Variants in RTKN2 observed in about 807,000 individuals in gnomAD.
RTKN2 encodes the protein rhotekin 2, also known as rhotekin-2.
Under a neutral mutation model 71.5 loss-of-function variants are expected in RTKN2, and 69 were observed. That is an observed-to-expected ratio of 0.96 (90% CI 0.79 to 1.18). The LOEUF is 1.18. Among genes scored for constraint, RTKN2 ranks in the 50% most tolerant of loss-of-function variants. The pLI, the probability that RTKN2 is intolerant of heterozygous loss-of-function variation, is 0.00. For synonymous variants in RTKN2, 236 were observed against 236.5 expected (o/e 1.00, Z 0.02); for missense variants, 724 against 719.7 (o/e 1.01, Z -0.07).
intron 8 of RTKN2, 54 bp downstream of exon 8, chr10:62,218,141 A>C: frequency 8.9e-7 from 1 of 1,127,626 alleles, no homozygotes; most frequent in East Asian, 2.4e-5. Context: ...CTGCCTGTAT[A>C]TTAAGATTTA....
chr10:62,204,500 T>A (rs1027511717), intron 10 of RTKN2, among the ~76,000 whole-genome samples: 4 of 152,212 alleles, frequency 2.6e-5, no homozygotes, highest in African/African-American at 9.6e-5. Flanking sequence ...ATCATCATTA[T>A]CCTGGAAAAG....
At chr10:62,217,332 T>G in intron 8 of RTKN2, 83 bp from the exon 9 acceptor site, 1 of 968,610 alleles carries the variant, frequency 1.0e-6, no homozygotes, top group Admixed American at 2.9e-5. Flanking sequence ...TTATCAAGGT[T>G]AAATTAGTTA....
intron 10 of RTKN2, among the ~76,000 whole-genome samples, chr10:62,201,950 T>C (rs552275735): frequency 8.5e-5 from 13 of 152,320 alleles, no homozygotes; most frequent in African/African-American, 2.6e-4. Context: ...AATTTATATA[T>C]TGAAGATGTT....
chr10:62,239,494 T>C, intron 5 of RTKN2, 154 bp downstream of exon 5: 2 of 458,996 alleles, frequency 4.4e-6, no homozygotes, highest in South Asian at 3.9e-5. Context: ...GGACTTCTTC[T>C]GAACAAAATG....
At position 62,246,061 on chromosome 10, in the gene RTKN2, TCAAAA is replaced by T; in HGVS notation, c.258-9_258-5del. On this transcript the variant is annotated splice_polypyrimidine_tract_variant and splice_region_variant and intron_variant, in intron 2 of 11. Transcript: ENST00000373789. Reference sequence around the variant, plus strand: ...TTTACTTTCAAATTTCACATCACTGTCAAAACAAAAAAACTTATGGAAAAAAGATC... The same window carrying T: ...TTTACTTTCAAATTTCACATCACTGTCAAAAAAACTTATGGAAAAAAGATC... 6.4e-7 allele frequency: 1 copy of T among 1,574,242 alleles called. No homozygotes were observed. Among genetic ancestry groups the T allele is most frequent in the East Asian group, 2.3e-5 (1 of 44,342 alleles).
In RTKN2 at chr10:62,185,612, C is replaced by T. The variant is rs1055412323; in HGVS notation, c.862-1225G>A. On this transcript the variant is annotated intron_variant, in intron 8 of 8. Transcript: ENST00000315289. Reference sequence around the variant, plus strand: ...CCAGCCTGGCAACAGAGCAAGACTCCGTCTCAAAAAAAAAAGATTGCTTTT... The same window carrying T: ...CCAGCCTGGCAACAGAGCAAGACTCTGTCTCAAAAAAAAAAGATTGCTTTT... Among the ~76,000 whole-genome samples the T allele has an allele frequency of 5.9e-4, 89 of 151,788 alleles. 1 individual carries two copies. The highest frequency in any genetic ancestry group is 1.9e-3 in the African/African-American group (78 of 41,408).
At chr10:62,201,930 T>G (rs1168359990) in intron 10 of RTKN2, among the ~76,000 whole-genome samples, 3 of 152,194 alleles carry the variant, frequency 2.0e-5, no homozygotes, top group Non-Finnish European at 4.4e-5. Context: ...GTATGTTTTG[T>G]TCACATAACA....
chr10:62,240,865 A>G (rs894493316), intron 4 of RTKN2, among the ~76,000 whole-genome samples: 12 of 152,186 alleles, frequency 7.9e-5, no homozygotes, highest in South Asian at 4.1e-4. Context: ...CTTTTGTTCC[A>G]TATTTCCCTT....
chr10:62,237,883 C>A (rs373330292), intron 5 of RTKN2, among the ~76,000 whole-genome samples: 1 of 151,618 alleles, frequency 6.6e-6, no homozygotes, highest in African/African-American at 2.4e-5. Flanking sequence ...CAAATAAATA[C>A]GCAAAATTCT....
chr10:62,226,201 G>T (rs754630222), intron 6 of RTKN2, among the ~76,000 whole-genome samples: 1 of 152,100 alleles, frequency 6.6e-6, no homozygotes, highest in Non-Finnish European at 1.5e-5. Flanking sequence ...GAGAGACAAA[G>T]AGAGATATAG....
At chr10:62,224,022 A>G (rs1841966909) in intron 6 of RTKN2, among the ~76,000 whole-genome samples, 1 of 152,200 alleles carries the variant, frequency 6.6e-6, no homozygotes, top group Non-Finnish European at 1.5e-5. Context: ...GCCTTAAAAA[A>G]GAAGAAAATT....
At chr10:62,208,907 G>T (rs1841602097) in intron 9 of RTKN2, among the ~76,000 whole-genome samples, 2 of 152,186 alleles carry the variant, frequency 1.3e-5, no homozygotes, top group African/African-American at 4.8e-5. Flanking sequence ...CTTGATGAAA[G>T]TATATGACCC....
At position 62,197,465 on chromosome 10, in the gene RTKN2, G is replaced by A. The variant is rs1003212230; in HGVS notation, c.*443C>T. The A allele has an allele frequency of 1.0e-6, 1 of 985,732 alleles. No individual in the cohort carries two copies. The highest frequency in any genetic ancestry group is 1.7e-5 in the African/African-American group (1 of 57,222). 61.1% of individuals were successfully genotyped at this position (985,732 alleles called of 1,614,324 possible). A position where few individuals can be genotyped will look rare whatever the true frequency, so the allele number is the denominator to read the frequency against. On this transcript the variant is annotated 3_prime_UTR_variant, in exon 12 of 12. Transcript: ENST00000373789. ...AATGCTAAGAAAATTTTCTTGGGTG[G>A]ATTCTATAATTTGTGGTTTGAATAA...
In RTKN2 at chr10:62,194,206, AATG is replaced by A. The variant is rs1841278488; in HGVS notation, c.*3699_*3701del. 1.0e-6 allele frequency: 1 copy of A among 984,712 alleles called. No homozygotes were observed. The highest frequency in any genetic ancestry group is 1.2e-6 in the Non-Finnish European group (1 of 829,268). The allele number at this position is 984,712 out of a possible 1,614,324, so 61.0% of individuals were successfully genotyped here. A position where few individuals can be genotyped will look rare whatever the true frequency, so the allele number is the denominator to read the frequency against. ...ATCAACACACCCTAATATATTTTCA[AATG>A]ATGACTTGTCTTTTAAAAACCCAAA... On this transcript the variant is annotated 3_prime_UTR_variant, in exon 12 of 12. Coordinates refer to ENST00000373789, the MANE Select transcript of RTKN2 (RefSeq NM_145307.4).
chr10:62,216,984 AATC>A (rs1354558322), intron 9 of RTKN2, 131 bp downstream of exon 9: 1 of 530,436 alleles, frequency 1.9e-6, no homozygotes, highest in African/African-American at 2.0e-5. Flanking sequence ...AAACAGATTA[AATC>A]ATATTTATGA....
In RTKN2 at chr10:62,194,929, C is replaced by A; in HGVS notation, c.*2979G>T. 1.0e-6 allele frequency: 1 copy of A among 985,328 alleles called. No individual in the cohort carries two copies. Among genetic ancestry groups the A allele is most frequent in the Non-Finnish European group, 1.2e-6 (1 of 829,888 alleles). The allele number at this position is 985,328 out of a possible 1,614,324, so 61.0% of individuals were successfully genotyped here. ...ATTTAAAAGAAGTCAGGGGGCACTG[C>A]AGACAGTTAAGGAGGATTTAACAAA... On this transcript the variant is annotated 3_prime_UTR_variant, in exon 12 of 12. Transcript: ENST00000373789.
At chr10:62,186,912 T>C (rs1841144948) in intron 8 of RTKN2, among the ~76,000 whole-genome samples, 1 of 152,186 alleles carries the variant, frequency 6.6e-6, no homozygotes, top group Non-Finnish European at 1.5e-5. Flanking sequence ...ATAGTACAAG[T>C]TATTGATTGC....
chr10:62,268,754 GGCCGAAGCGCACGCGCAGTGGGCGC>G lies in RTKN2; in HGVS notation c.-169_-145del. 3.6e-6 allele frequency: 3 copies of G among 824,750 alleles called. No homozygotes were observed. Among genetic ancestry groups the G allele is most frequent in the Admixed American group, 3.0e-5 (1 of 33,136 alleles). The allele number at this position is 824,750 out of a possible 1,614,324, so 51.1% of individuals were successfully genotyped here. ...GGGGCCGGGGGCGCAGGAGGAGCCG[GGCCGAAGCGCACGCGCAGTGGGCGC>G]GCCTTGCGCTCTGCAGCTCCCGCCG... On this transcript the variant is annotated 5_prime_UTR_variant, in exon 1 of 12. Transcript: ENST00000373789.
intron 9 of RTKN2, among the ~76,000 whole-genome samples, chr10:62,211,127 C>T (rs1268654652): frequency 1.3e-5 from 2 of 152,158 alleles, no homozygotes; most frequent in African/African-American, 4.8e-5. Flanking sequence ...TCACACCCCT[C>T]ACCATATTGA....
Sources: allele counts gnomAD v4.1 joint callset (sites outside exome capture counted in the v4.1 genomes callset), GRCh38; gene constraint gnomAD v4.1.1; transcripts MANE v1.5; gene names NCBI Gene and HGNC (gene_info 2026-07-23, HGNC 2026-07-21).